CHIC2: variants seen among roughly 807,000 people sequenced by gnomAD.
CHIC2 encodes cysteine-rich hydrophobic domain-containing protein 2.
Under a neutral mutation model 25.9 loss-of-function variants are expected in CHIC2, and 14 were observed. The observed-to-expected ratio is 0.54, with a 90% CI of 0.36 to 0.85. The LOEUF (loss-of-function observed/expected upper bound fraction) is 0.85. CHIC2 is among the 40% of genes least tolerant of loss of function. The probability of loss-of-function intolerance (pLI) is 0.01; values close to 1 mark genes in which losing one functional copy is unlikely to be tolerated. For missense variants in CHIC2, 146 were observed against 202.0 expected (o/e 0.72, Z 1.68); for synonymous variants, 70 against 72.0 (o/e 0.97, Z 0.14).
the CHIC2 span, among the ~76,000 whole-genome samples, chr4:54,079,195 G>A: frequency 6.6e-6 from 1 of 152,020 alleles, no homozygotes; most frequent in Non-Finnish European, 1.5e-5. Context: ...CTCGAGCCTA[G>A]GTGACAGAGA....
At chr4:54,033,537 C>T (rs1482365770) in intron 3 of CHIC2, among the ~76,000 whole-genome samples, 4 of 152,006 alleles carry the variant, frequency 2.6e-5, no homozygotes, top group Non-Finnish European at 5.9e-5. Flanking sequence ...TTATGGAGTC[C>T]AATTTGTCTG....
At chr4:54,019,186 A>T (rs562506026) in intron 3 of CHIC2, among the ~76,000 whole-genome samples, 1 of 152,120 alleles carries the variant, frequency 6.6e-6, no homozygotes, top group East Asian at 1.9e-4. Flanking sequence ...ATGTGCAGAA[A>T]ATTAAATAAT....
chr4:54,072,682 G>A, the CHIC2 span, among the ~76,000 whole-genome samples: 1 of 152,214 alleles, frequency 6.6e-6, no homozygotes, highest in Admixed American at 6.5e-5. Flanking sequence ...GAATCCAAGA[G>A]TCATTCAATA....
chr4:54,013,952 CAGACT>C (rs1175406839), intron 4 of CHIC2, 56 bp from the exon 5 acceptor site: 1 of 1,595,740 alleles, frequency 6.3e-7, no homozygotes. Flanking sequence ...TTGCAGCACA[CAGACT>C]AACCCATTTG....
At chr4:54,033,252 G>A (rs1395884568) in intron 3 of CHIC2, among the ~76,000 whole-genome samples, 2 of 152,184 alleles carry the variant, frequency 1.3e-5, no homozygotes, top group East Asian at 1.9e-4. Context: ...TAATAAGTAT[G>A]TAATGTTATC....
chr4:54,084,959 CAAAAAAAA>C, the CHIC2 span, among the ~76,000 whole-genome samples: 1 of 58,922 alleles, frequency 1.7e-5, no homozygotes, highest in Non-Finnish European at 3.2e-5. Context: ...TGCTCTGTCT[CAAAAAAAA>C]AAAAAAAAAA....
chr4:54,081,496 T>C, the CHIC2 span, among the ~76,000 whole-genome samples: 1 of 152,166 alleles, frequency 6.6e-6, no homozygotes, highest in African/African-American at 2.4e-5. Context: ...AAATATTCTA[T>C]TCTACTTATC....
intron 3 of CHIC2, among the ~76,000 whole-genome samples, chr4:54,031,688 C>T (rs527704013): frequency 8.5e-5 from 12 of 140,618 alleles, no homozygotes; most frequent in African/African-American, 3.2e-4. Context: ...GGTGCCATCT[C>T]GGCTCACTGC....
intron 3 of CHIC2, among the ~76,000 whole-genome samples, chr4:54,021,835 T>C (rs1715908522): frequency 6.6e-6 from 1 of 151,736 alleles, no homozygotes. Context: ...CTCCCAACAT[T>C]AAAAAAAGCT....
intron 3 of CHIC2, among the ~76,000 whole-genome samples, chr4:54,016,027 T>G (rs1033149949): frequency 6.6e-6 from 1 of 152,226 alleles, no homozygotes; most frequent in Non-Finnish European, 1.5e-5. Flanking sequence ...AAAACCTGAA[T>G]CTACCTTGTA....
the CHIC2 span, among the ~76,000 whole-genome samples, chr4:54,070,973 G>A: frequency 7.2e-5 from 11 of 152,122 alleles, no homozygotes; most frequent in Non-Finnish European, 1.0e-4. Context: ...TTTGGTGCCC[G>A]CAGTATAAGT....
At chr4:54,033,936 G>A (rs971799139) in intron 3 of CHIC2, among the ~76,000 whole-genome samples, 7 of 151,802 alleles carry the variant, frequency 4.6e-5, no homozygotes, top group South Asian at 2.1e-4. Flanking sequence ...ATTGGGTAGC[G>A]TTGGTTCTCC....
the CHIC2 span, among the ~76,000 whole-genome samples, chr4:54,083,388 A>C: frequency 6.6e-6 from 1 of 152,168 alleles, no homozygotes; most frequent in African/African-American, 2.4e-5. Flanking sequence ...CCTCTTGGCT[A>C]TTCTTATAGC....
chr4:54,062,329 T>TTTTATTTATTTATTTATTTA (rs59288511), intron 1 of CHIC2, among the ~76,000 whole-genome samples: 183 of 151,450 alleles, frequency 1.2e-3, no homozygotes, highest in African/African-American at 4.2e-3. Context: ...ACCTGTGAGA[T>TTTTATTTATTTATTTATTTA]TTTATTTATT....
At chr4:54,047,460 T>C (rs966940307) in intron 3 of CHIC2, among the ~76,000 whole-genome samples, 20 of 152,050 alleles carry the variant, frequency 1.3e-4, no homozygotes, top group African/African-American at 4.6e-4. Context: ...CATGGAATAC[T>C]ATGCAGCCAT....
At position 54,025,870 on chromosome 4, in the gene CHIC2, A is replaced by T. The variant is rs577957704; in HGVS notation, c.331-11751T>A. ...ACCCTGTCTCAAAAAAAAAAAAAAAATAGGAATTGTTTTAAAAAACAAGAA... is the reference window on the plus strand; with the variant it reads ...ACCCTGTCTCAAAAAAAAAAAAAAATTAGGAATTGTTTTAAAAAACAAGAA... On this transcript the variant is annotated intron_variant, in intron 3 of 5. Coordinates refer to ENST00000263921, the MANE Select transcript of CHIC2 (RefSeq NM_012110.4). Among the ~76,000 whole-genome samples the T allele has an allele frequency of 4.6e-5, 7 of 151,336 alleles. No homozygotes were observed. The South Asian group carries it at 1.5e-3, about 32-fold the overall frequency.
chr4:54,065,238 A>G (rs199564553), upstream of CHIC2: 1 of 613,632 alleles, frequency 1.6e-6, no homozygotes, highest in African/African-American at 2.1e-5. Context: ...CGATGCTGGT[A>G]TTTTTTTTTT....
upstream of CHIC2, chr4:54,064,773 C>CT: frequency 4.3e-6 from 2 of 463,964 alleles, no homozygotes; most frequent in Non-Finnish European, 5.7e-6. This position sits in a 1 kb window ranked among gnomAD's most constrained non-coding sequence, Gnocchi z 4.2. Flanking sequence ...AGGCCACCGT[C>CT]TTTCCTCTGC....
chr4:54,077,242 C>A, the CHIC2 span, among the ~76,000 whole-genome samples: 1 of 152,184 alleles, frequency 6.6e-6, no homozygotes, highest in Non-Finnish European at 1.5e-5. Context: ...TCCTTCAGTT[C>A]TTTTTTTCTA....
Sources: allele counts gnomAD v4.1 joint callset (sites outside exome capture counted in the v4.1 genomes callset), GRCh38; gene constraint gnomAD v4.1.1; non-coding constraint Gnocchi (gnomAD v3.1); transcripts MANE v1.5; gene names NCBI Gene and HGNC (gene_info 2026-07-23, HGNC 2026-07-21).